Variants in RBFOX3 observed in about 807,000 individuals in gnomAD.
RBFOX3 encodes RNA binding fox-1 homolog 3, also known as RNA binding protein fox-1 homolog 3.
RBFOX3 carries 17 observed loss-of-function variants against 48.7 expected under a neutral mutation model. That is an observed-to-expected ratio of 0.35 (90% CI 0.24 to 0.52). The LOEUF (loss-of-function observed/expected upper bound fraction) is 0.52. RBFOX3 is among the 20% of genes least tolerant of loss of function. The probability of loss-of-function intolerance (pLI) is 0.94; values close to 1 mark genes in which losing one functional copy is unlikely to be tolerated. For synonymous variants in RBFOX3, 212 were observed against 209.5 expected (o/e 1.01, Z -0.10); for missense variants, 382 against 497.5 (o/e 0.77, Z 2.21).
At chr17:79,339,658 T>C (rs1045870817) in intron 2 of RBFOX3, among the ~76,000 whole-genome samples, 4 of 152,222 alleles carry the variant, frequency 2.6e-5, no homozygotes, top group Non-Finnish European at 4.4e-5. Flanking sequence ...CCTGCCGGTC[T>C]GGAGGCCCTG....
the RBFOX3 span, among the ~76,000 whole-genome samples, chr17:79,651,392 A>G: frequency 6.6e-6 from 1 of 152,162 alleles, no homozygotes; most frequent in African/African-American, 2.4e-5. Context: ...AACAACAGAC[A>G]GGGGAAGATG....
Position 79,285,515 on chromosome 17 carries a change from C to G in RBFOX3, c.-74+22209G>C, listed in dbSNP as rs140552676. Among the ~76,000 whole-genome samples, 435 of 152,294 alleles carry G rather than the reference C, an allele frequency of 2.9e-3. 2 individuals carry two copies. The highest frequency in any genetic ancestry group is 0.01 in the African/African-American group (416 of 41,558). On this transcript the variant is annotated intron_variant, in intron 3 of 14. Coordinates refer to ENST00000693108, the MANE Select transcript of RBFOX3 (RefSeq NM_001350451.2). ...ATACAATGCCCTGAAACCTTTCCAT[C>G]AAGTAGGTAAAGATCTGTAAACCAA...
rs530903766 is a variant in RBFOX3 at position 79,126,904 on chromosome 17, C to T, written c.-33-11156G>A. Among the ~76,000 whole-genome samples, 7 of 152,318 alleles carry T rather than the reference C, an allele frequency of 4.6e-5. No individual in the cohort carries two copies. In the South Asian group the frequency reaches 8.3e-4, roughly 18 times the overall value. ...AATCTGCCTTCTGGAAACTTCCACC[C>T]GGCACCGGGCTTTGCAGGCATCCCA... On this transcript the variant is annotated intron_variant, in intron 4 of 14. Coordinates refer to ENST00000693108, the MANE Select transcript of RBFOX3 (RefSeq NM_001350451.2).
At chr17:79,121,519 T>A (rs2035736370) in intron 4 of RBFOX3, among the ~76,000 whole-genome samples, 1 of 152,212 alleles carries the variant, frequency 6.6e-6, no homozygotes, top group Non-Finnish European at 1.5e-5. Flanking sequence ...CACCATTCCC[T>A]GAAGCCACCT....
intron 3 of RBFOX3, among the ~76,000 whole-genome samples, chr17:79,264,094 C>CTTT (rs559845696): frequency 7.1e-6 from 1 of 141,778 alleles, no homozygotes. Flanking sequence ...CTGTTGGCAT[C>CTTT]TTTTTTTTTT....
the RBFOX3 span, among the ~76,000 whole-genome samples, chr17:79,652,599 G>GGAA: frequency 2.0e-4 from 1 of 5,052 alleles, no homozygotes; most frequent in African/African-American, 3.9e-4. Flanking sequence ...GAGGAGAGGA[G>GGAA]AGGAAAGGAA....
At chr17:79,298,672 GC>G (rs1480613869) in intron 3 of RBFOX3, among the ~76,000 whole-genome samples, 1 of 152,202 alleles carries the variant, frequency 6.6e-6, no homozygotes, top group Non-Finnish European at 1.5e-5. Flanking sequence ...GTCAGAAGGT[GC>G]CCCCTGAGAT....
intron 4 of RBFOX3, among the ~76,000 whole-genome samples, chr17:79,125,521 G>T (rs137878765): frequency 6.6e-6 from 1 of 152,358 alleles, no homozygotes; most frequent in Non-Finnish European, 1.5e-5. Flanking sequence ...AGGTCCCCCA[G>T]CCTGCGTGTG....
At chr17:79,484,590 G>T (rs934237490) in intron 1 of RBFOX3, among the ~76,000 whole-genome samples, 6 of 150,442 alleles carry the variant, frequency 4.0e-5, no homozygotes, top group African/African-American at 1.5e-4. Flanking sequence ...GGGCCTGGGT[G>T]CAGGGGGCCT....
intron 1 of RBFOX3, among the ~76,000 whole-genome samples, chr17:79,528,138 G>A (rs2087064332): frequency 2.0e-5 from 3 of 152,022 alleles, no homozygotes; most frequent in Non-Finnish European, 1.5e-5. Context: ...GAGGATCTTA[G>A]TTGAACCTCT....
At chr17:79,517,164 G>A (rs916950664) in intron 1 of RBFOX3, among the ~76,000 whole-genome samples, 27 of 152,218 alleles carry the variant, frequency 1.8e-4, no homozygotes, top group African/African-American at 6.5e-4. Flanking sequence ...GAAAAAGGAG[G>A]GCCGGGCGCA....
intron 2 of RBFOX3, among the ~76,000 whole-genome samples, chr17:79,331,779 G>T (rs549764706): frequency 1.3e-5 from 2 of 152,310 alleles, no homozygotes; most frequent in South Asian, 4.2e-4. Flanking sequence ...TGGAAGTGAG[G>T]CCACACAGCT....
intron 2 of RBFOX3, among the ~76,000 whole-genome samples, chr17:79,367,813 G>A (rs549261173): frequency 6.6e-5 from 10 of 152,240 alleles, no homozygotes; most frequent in African/African-American, 9.6e-5. Context: ...ATCAGAGCCC[G>A]CCTGGCCCCC....
At chr17:79,589,396 C>A (rs972489975) in intron 1 of RBFOX3, among the ~76,000 whole-genome samples, 1 of 152,166 alleles carries the variant, frequency 6.6e-6, no homozygotes, top group Non-Finnish European at 1.5e-5. Flanking sequence ...ACATCACCGT[C>A]CCCTGTTTGT....
chr17:79,518,541 C>T (rs35774805), intron 1 of RBFOX3, among the ~76,000 whole-genome samples: 1,676 of 152,336 alleles, frequency 0.011, 30 homozygotes, highest in African/African-American at 0.038. Context: ...GGGGGAAACA[C>T]TGTAATCCCT....
At chr17:79,377,976 A>G (rs115208026) in intron 2 of RBFOX3, among the ~76,000 whole-genome samples, 2,134 of 152,326 alleles carry the variant, frequency 0.014, 52 homozygotes, top group African/African-American at 0.049. Context: ...TAGGTTAGGG[A>G]AAGTGTCTTA....
intron 1 of RBFOX3, among the ~76,000 whole-genome samples, chr17:79,489,603 A>AT (rs1238541129): frequency 6.6e-6 from 1 of 152,076 alleles, no homozygotes; most frequent in Non-Finnish European, 1.5e-5. Flanking sequence ...TCCAACATTC[A>AT]TTTTTTTAAA....
chr17:79,517,018 G>A (rs1363705488), intron 1 of RBFOX3, among the ~76,000 whole-genome samples: 2 of 152,148 alleles, frequency 1.3e-5, no homozygotes, highest in Non-Finnish European at 2.9e-5. Context: ...CTTTGGTTGG[G>A]GAAGATGAGA....
Position 79,143,387 on chromosome 17 carries a change from G to C in RBFOX3, c.-33-27639C>G, listed in dbSNP as rs563603188. Among the ~76,000 whole-genome samples, 99 of 138,000 alleles carry C rather than the reference G, an allele frequency of 7.2e-4. 2 individuals carry two copies. The highest frequency in any genetic ancestry group is 5.3e-4 in the South Asian group (2 of 3,740). 90.5% of individuals were successfully genotyped at this position (138,000 alleles called of 152,430 possible). The stretch of plus-strand genomic sequence containing the variant: ...TGTTGGTGGAGCGGGGGGTGGGGGG[G>C]GGTTCTATAAATCCATCTCAGGCAT... On this transcript the variant is annotated intron_variant, in intron 4 of 14. Transcript: ENST00000693108.
Sources: allele counts gnomAD v4.1 joint callset (sites outside exome capture counted in the v4.1 genomes callset), GRCh38; gene constraint gnomAD v4.1.1; transcripts MANE v1.5; gene names NCBI Gene and HGNC (gene_info 2026-07-23, HGNC 2026-07-21).